PIWIL4: variants seen among roughly 807,000 people sequenced by gnomAD.
The protein encoded by PIWIL4 is piwi like RNA-mediated gene silencing 4.
PIWIL4 carries 50 observed loss-of-function variants against 100.9 expected under a neutral mutation model. That is an observed-to-expected ratio of 0.50 (90% CI 0.39 to 0.63). The LOEUF (loss-of-function observed/expected upper bound fraction) is 0.63. Ranked by LOEUF, PIWIL4 falls within the 20% of genes least tolerant of loss-of-function variation. PIWIL4 has a pLI of 0.00. For missense variants in PIWIL4, 887 were observed against 1,043.3 expected (o/e 0.85, Z 2.06); for synonymous variants, 342 against 367.5 (o/e 0.93, Z 0.79).
chr11:94,607,480 T>G lies in PIWIL4; in HGVS notation c.1680T>G (p.Asp560Glu). ...CTTCTAATCAGAAGACCTATTATGA[T>G]TCCATTAAAAAATATTTGAGCTCAG... ...ILPSNQKTYY[D>E]SIKKYLSSDC... The change falls in exon 14 of 20, where the codon GAT becomes GAG. Residue 560 changes from aspartate to glutamate, a missense_variant. Physicochemically the swap from Asp to Glu is conservative, Grantham distance 45. Transcript: ENST00000299001. The G allele has an allele frequency of 4.3e-6, 7 of 1,614,098 alleles. No individual in the cohort carries two copies. Among genetic ancestry groups the G allele is most frequent in the Non-Finnish European group, 5.9e-6 (7 of 1,179,968 alleles).
At chr11:94,616,443 G>A in intron 15 of PIWIL4, 50 bp from the exon 16 acceptor site, 2 of 1,393,134 alleles carry the variant, frequency 1.4e-6, no homozygotes, top group Non-Finnish European at 9.9e-7. Flanking sequence ...AATATTTATG[G>A]TAGAAAAATT....
chr11:94,621,004 A>G lies in PIWIL4; in HGVS notation c.*12A>G, dbSNP rs573544409. ...TCTTCTACCTGTGATGGCATGAACT[A>G]CTGGCATCACTAGATGGACAATCCA... is the stretch of plus-strand genomic sequence containing the variant. On this transcript the variant is annotated 3_prime_UTR_variant, in exon 20 of 20. Transcript: ENST00000299001. 6.5e-7 allele frequency: 1 copy of G among 1,541,534 alleles called. No homozygotes were observed. Among genetic ancestry groups the G allele is most frequent in the South Asian group, 1.1e-5 (1 of 89,574 alleles).
intron 8 of PIWIL4, 143 bp downstream of exon 8, chr11:94,589,375 C>T: frequency 1.5e-6 from 1 of 656,364 alleles, no homozygotes; most frequent in Non-Finnish European, 2.6e-6. Flanking sequence ...CCTTCATCCC[C>T]ACCCTCCCAG....
chr11:94,618,284 G>C (rs548154166), intron 17 of PIWIL4, among the ~76,000 whole-genome samples, 177 bp downstream of exon 17: 23 of 152,134 alleles, frequency 1.5e-4, no homozygotes, highest in Non-Finnish European at 3.2e-4. Flanking sequence ...TAGTTGGGAT[G>C]GTCTAACATA....
intron 11 of PIWIL4, among the ~76,000 whole-genome samples, chr11:94,600,428 C>T (rs552915333): frequency 8.5e-5 from 13 of 152,164 alleles, no homozygotes; most frequent in African/African-American, 2.4e-4. Flanking sequence ...CCCCACAAGC[C>T]GTAAAACCAG....
At chr11:94,593,747 T>A in intron 9 of PIWIL4, 106 bp downstream of exon 9, 1 of 1,319,174 alleles carries the variant, frequency 7.6e-7, no homozygotes, top group Non-Finnish European at 1.0e-6. Context: ...GACATCGATT[T>A]AACCCATGGA....
chr11:94,592,328 T>G (rs1225719780), intron 8 of PIWIL4, among the ~76,000 whole-genome samples: 2 of 152,242 alleles, frequency 1.3e-5, no homozygotes, highest in Non-Finnish European at 2.9e-5. Flanking sequence ...TATCGTGCTT[T>G]GTTAAGCATT....
At position 94,593,554 on chromosome 11, in the gene PIWIL4, A is replaced by G. The variant is rs34492831; in HGVS notation, c.1063A>G (p.Met355Val). ...DITVSDLNQP[M>V]LVSLLKKKRN... ...TACTGTATCGGACCTGAATCAGCCC[A>G]TGCTTGTTAGTCTGTTAAAGAAGAA... Residue 355 changes from methionine to valine, a missense_variant, in exon 9 of 20, where the codon ATG (methionine) becomes GTG (valine). This residue lies in a region of PIWIL4 where 741 missense variants were observed against 930.0 expected (regional missense o/e 0.80). Transcript: ENST00000299001. The G allele has an allele frequency of 4.1e-3, 6,576 of 1,613,844 alleles. 39 individuals carry two copies. Among genetic ancestry groups the G allele is most frequent in the Middle Eastern group, 0.018 (111 of 6,058 alleles).
chr11:94,597,852 A>G lies in PIWIL4; in HGVS notation c.1317A>G (p.Gly439=). The G allele has an allele frequency of 6.2e-7, 1 of 1,614,120 alleles. No homozygotes were observed. Among genetic ancestry groups the G allele is most frequent in the Non-Finnish European group, 8.5e-7 (1 of 1,179,962 alleles). The change falls in exon 11 of 20, where the codon GGA becomes GGG. Residue 439 remains glycine (G), a synonymous_variant. Coordinates refer to ENST00000299001, the MANE Select transcript of PIWIL4 (RefSeq NM_152431.3). The stretch of plus-strand genomic sequence containing the variant: ...TAGAGACCTGGGGACTGCATTTTGG[A>G]AGCCAGATATCTCTGACTGGCCGGA... The part of the protein sequence containing the change: ...FELETWGLHF[G]SQISLTGRIV...
intron 3 of PIWIL4, 114 bp downstream of exon 3, chr11:94,575,244 G>T: frequency 9.0e-7 from 1 of 1,111,520 alleles, no homozygotes; most frequent in South Asian, 1.6e-5. Context: ...GATATTTACT[G>T]ATTGTCTTCT....
At chr11:94,569,606 G>C (rs560536920) in intron 2 of PIWIL4, among the ~76,000 whole-genome samples, 2 of 152,314 alleles carry the variant, frequency 1.3e-5, no homozygotes, top group Admixed American at 6.5e-5. Flanking sequence ...TTGAACTCCT[G>C]ACCTCAGGTG....
rs1191922707 is a variant in PIWIL4 at position 94,587,233 on chromosome 11, C to T, written c.900C>T (p.Leu300=). ...CGTGTGAGAAGCAGCTAATAGGGCT[C>T]ATTGTCCTTACAAGGTACAAGCCTG... ...TQTCEKQLIG[L]IVLTRYNNRT... The change falls in exon 7 of 20, where the codon CTC becomes CTT. Residue 300 remains leucine, a synonymous_variant. Coordinates refer to ENST00000299001, the MANE Select transcript of PIWIL4 (RefSeq NM_152431.3). 1.2e-6 allele frequency: 2 copies of T among 1,614,002 alleles called. No individual in the cohort carries two copies. Among genetic ancestry groups the T allele is most frequent in the Admixed American group, 1.7e-5 (1 of 60,006 alleles).
intron 11 of PIWIL4, 92 bp from the exon 12 acceptor site, chr11:94,601,703 T>A: frequency 8.1e-7 from 1 of 1,228,706 alleles, no homozygotes; most frequent in Non-Finnish European, 1.2e-6. Context: ...GTTAAACAGT[T>A]ATAACAAAAG....
Sources: allele counts gnomAD v4.1 joint callset (sites outside exome capture counted in the v4.1 genomes callset), GRCh38; gene constraint gnomAD v4.1.1; regional missense constraint gnomAD v4.1.1; transcripts MANE v1.5; gene names NCBI Gene and HGNC (gene_info 2026-07-23, HGNC 2026-07-21).